GNL2: variants seen among roughly 807,000 people sequenced by gnomAD.
GNL2 encodes the protein nucleolar GTP-binding protein 2.
A neutral mutation model predicts 92.3 loss-of-function variants in GNL2; 51 were observed. That is an observed-to-expected ratio of 0.55 (90% CI 0.44 to 0.70). The LOEUF is 0.70. Ranked by LOEUF, GNL2 falls within the 30% of genes least tolerant of loss-of-function variation. GNL2 has a pLI of 0.00. For synonymous variants in GNL2, 283 were observed against 300.6 expected, an observed-to-expected ratio of 0.94 and a Z score of 0.61; for missense variants, 844 against 895.6, an observed-to-expected ratio of 0.94 and a Z score of 0.74.
At chr1:37,581,061 A>G (rs560487524) in intron 8 of GNL2, among the ~76,000 whole-genome samples, 1 of 152,332 alleles carries the variant, frequency 6.6e-6, no homozygotes, top group South Asian at 2.1e-4. Flanking sequence ...GCATCTAACA[A>G]TACAGGGGGA....
chr1:37,567,607 G>A, intron 15 of GNL2, 66 bp downstream of exon 15: 1 of 1,066,014 alleles, frequency 9.4e-7, no homozygotes, highest in South Asian at 1.3e-5. Context: ...ATTTGTTTCA[G>A]TGGGTCTTGA....
chr1:37,579,591 T>A (rs1643732761), intron 8 of GNL2, among the ~76,000 whole-genome samples: 2 of 148,516 alleles, frequency 1.3e-5, no homozygotes, highest in African/African-American at 5.0e-5. Flanking sequence ...AAATGTCATA[T>A]ATGTACCAAA....
At chr1:37,592,029 A>C (rs148365875) in intron 3 of GNL2, among the ~76,000 whole-genome samples, 444 of 152,314 alleles carry the variant, frequency 2.9e-3, no homozygotes, top group Non-Finnish European at 5.2e-3. Flanking sequence ...TCTGTGTTGC[A>C]GTTCTTAGGA....
At chr1:37,595,232 G>A (rs1263163516) in intron 1 of GNL2, among the ~76,000 whole-genome samples, 1 of 152,170 alleles carries the variant, frequency 6.6e-6, no homozygotes, top group Non-Finnish European at 1.5e-5. Flanking sequence ...CGTACAGGTG[G>A]AACCTCGCCA....
rs1406925368 is a variant in GNL2 at position 37,575,385 on chromosome 1, GGAT to G, written c.1143+207_1143+209del. On this transcript the variant is annotated intron_variant, in intron 10 of 15. Coordinates refer to ENST00000373062, the MANE Select transcript of GNL2 (RefSeq NM_013285.3). This position sits in a 1 kb window ranked among gnomAD's most constrained non-coding sequence, Gnocchi z 4.1. ...TGTGTAAACTACAAACTCTTTTGTG[GGAT>G]GATATTGACCAGATATGCCCATGGT... Among the ~76,000 whole-genome samples the G allele has an allele frequency of 6.6e-5, 10 of 152,268 alleles. No individual in the cohort carries two copies. The highest frequency in any genetic ancestry group is 2.4e-4 in the African/African-American group (10 of 41,560).
rs776172934 is a variant in GNL2 at position 37,587,326 on chromosome 1, T to G, written c.554A>C (p.Glu185Ala). 5.6e-6 allele frequency: 9 copies of G among 1,598,310 alleles called. No homozygotes were observed. In the South Asian group the frequency reaches 1.0e-4, roughly 18 times the overall value. ...AAAAATGTACCTCACACCAGTGTCTTCAGTTACCAAATCACGATCCTTGCC... is the reference window on the plus strand; with the variant it reads ...AAAAATGTACCTCACACCAGTGTCTGCAGTTACCAAATCACGATCCTTGCC... The part of the protein sequence containing the change: ...DQGKDRDLVT[E>A]DTGVRNEAQE... The change falls in exon 5 of 16, where the codon GAA (glutamate) becomes GCA (alanine). Residue 185 changes from glutamate (E) to alanine (A), a missense_variant. Physicochemically the swap from Glu to Ala is moderately radical, Grantham distance 107 (BLOSUM62 -1). Coordinates refer to ENST00000373062, the MANE Select transcript of GNL2 (RefSeq NM_013285.3).
chr1:37,594,276 C>T (rs952711153), intron 1 of GNL2, among the ~76,000 whole-genome samples: 1 of 152,212 alleles, frequency 6.6e-6, no homozygotes, highest in African/African-American at 2.4e-5. Context: ...AGCATTTGAT[C>T]ACCATCTATG....
chr1:37,587,605 AC>A, intron 4 of GNL2, 110 bp from the exon 5 acceptor site: 2 of 636,678 alleles, frequency 3.1e-6, no homozygotes, highest in Non-Finnish European at 2.6e-6. Flanking sequence ...CCAAGGTTCA[AC>A]CCATACCCAA....
At chr1:37,585,682 A>G (rs901093692) in intron 5 of GNL2, among the ~76,000 whole-genome samples, 1 of 152,226 alleles carries the variant, frequency 6.6e-6, no homozygotes, top group African/African-American at 2.4e-5. Flanking sequence ...CTAAGAACAA[A>G]TAAATGAACT....
chr1:37,594,018 T>C (rs1643906051), intron 1 of GNL2, 172 bp from the exon 2 acceptor site: 4 of 568,204 alleles, frequency 7.0e-6, no homozygotes, highest in African/African-American at 1.9e-5. Context: ...TGAAGCTACA[T>C]GGTATGACAA....
chr1:37,568,618 A>G (rs917948437), intron 13 of GNL2, among the ~76,000 whole-genome samples: 2 of 152,196 alleles, frequency 1.3e-5, no homozygotes, highest in South Asian at 4.1e-4. Context: ...GGTGGTGCAC[A>G]CCTGTAGTCA....
In GNL2 at chr1:37,595,617, C is replaced by A. The variant is rs866382705; in HGVS notation, c.64+142G>T. ...CCACAAATATTGCTTTCCTTTTTCC[C>A]TTTTCATCCCCAACAGCCACCCCGC... On this transcript the variant is annotated intron_variant, in intron 1 of 15. Coordinates refer to ENST00000373062, the MANE Select transcript of GNL2 (RefSeq NM_013285.3). 20 of 724,538 alleles carry A rather than the reference C, an allele frequency of 2.8e-5. No homozygotes were observed. The Middle Eastern group carries it at 1.5e-3, about 53-fold the overall frequency. 44.9% of individuals were successfully genotyped at this position (724,538 alleles called of 1,614,324 possible).
At chr1:37,583,327 T>C (rs1338984790) in intron 6 of GNL2, 2 of 159,858 alleles carry the variant, frequency 1.3e-5, no homozygotes, top group African/African-American at 2.4e-5. Flanking sequence ...ACGGTACTAG[T>C]TTCCTATCAT....
chr1:37,568,045 TAATG>T (rs1016791024), intron 14 of GNL2: 44 of 591,214 alleles, frequency 7.4e-5, no homozygotes, highest in African/African-American at 2.4e-4. Context: ...TCTAGGTTAA[TAATG>T]AACCCTTTCT....
intron 3 of GNL2, among the ~76,000 whole-genome samples, chr1:37,591,841 T>C (rs995031655): frequency 6.6e-5 from 10 of 152,188 alleles, no homozygotes; most frequent in Non-Finnish European, 1.0e-4. Flanking sequence ...GACAGTCTTA[T>C]GAGATAGGTT....
chr1:37,584,475 A>G (rs777312031), intron 5 of GNL2, among the ~76,000 whole-genome samples: 29 of 132,002 alleles, frequency 2.2e-4, no homozygotes, highest in African/African-American at 3.0e-4. Context: ...AAAAAAAAAA[A>G]AAGAAGAAGA....
In GNL2 at chr1:37,593,581, C is replaced by T. The variant is rs574341929; in HGVS notation, c.149+181G>A. ...ACCATCACTATTTCACCGCCAGCTA[C>T]CCATGTCCTTAACCAAAAGTTAACA... is the stretch of plus-strand genomic sequence containing the variant. On this transcript the variant is annotated intron_variant, in intron 2 of 15. Coordinates refer to ENST00000373062, the MANE Select transcript of GNL2 (RefSeq NM_013285.3). The T allele has an allele frequency of 9.3e-6, 5 of 537,920 alleles. No individual in the cohort carries two copies. The East Asian group carries it at 1.2e-4, about 13-fold the overall frequency. 33.3% of individuals were successfully genotyped at this position (537,920 alleles called of 1,614,324 possible). A position where few individuals can be genotyped will look rare whatever the true frequency, so the allele number is the denominator to read the frequency against.
At chr1:37,588,264 G>C in intron 4 of GNL2, among the ~76,000 whole-genome samples, 1 of 151,558 alleles carries the variant, frequency 6.6e-6, no homozygotes. Flanking sequence ...AATGTTAACA[G>C]CCTGCAGACA....
rs1352043802 is a variant in GNL2, at chr1:37,575,511, A to G, written c.1143+84T>C. 2.7e-6 allele frequency: 2 copies of G among 743,996 alleles called. No individual in the cohort carries two copies. The highest frequency in any genetic ancestry group is 2.2e-6 in the Non-Finnish European group (1 of 464,900). The allele number at this position is 743,996 out of a possible 1,614,324, so 46.1% of individuals were successfully genotyped here. On this transcript the variant is annotated intron_variant, in intron 10 of 15. Coordinates refer to ENST00000373062, the MANE Select transcript of GNL2 (RefSeq NM_013285.3). The surrounding 1 kb of genome is among the most constrained non-coding windows in gnomAD (Gnocchi z 4.1). Reference sequence around the variant, plus strand: ...AGGCTGACCCCAAACTGCCTTCTTAATAAGTAAAAAGGAAAGGTATCCAGG... The same window carrying G: ...AGGCTGACCCCAAACTGCCTTCTTAGTAAGTAAAAAGGAAAGGTATCCAGG...
Sources: allele counts gnomAD v4.1 joint callset (sites outside exome capture counted in the v4.1 genomes callset), GRCh38; gene constraint gnomAD v4.1.1; non-coding constraint Gnocchi (gnomAD v3.1); transcripts MANE v1.5; gene names NCBI Gene and HGNC (gene_info 2026-07-23, HGNC 2026-07-21).